Variants in CD151 observed in about 807,000 individuals in gnomAD.
The protein encoded by CD151 is CD151 antigen.
CD151 carries 20 observed loss-of-function variants against 34.2 expected under a neutral mutation model. The ratio of observed to expected loss-of-function variants is 0.58; its 90% CI spans 0.41 to 0.85. The LOEUF is 0.85. CD151 is among the 40% of genes least tolerant of loss of function. The pLI, the probability that CD151 is intolerant of heterozygous loss-of-function variation, is 0.00. For synonymous variants in CD151, 157 were observed against 131.7 expected, an observed-to-expected ratio of 1.19 and a Z score of -1.32; for missense variants, 306 against 324.5, an observed-to-expected ratio of 0.94 and a Z score of 0.44.
chr11:833,925 C>T (rs1590207395), intron 1 of CD151: 2 of 141,434 alleles, frequency 1.4e-5, no homozygotes, highest in South Asian at 4.5e-4. Context: ...GTGAATATCC[C>T]CTCTCAGCTC....
intron 5 of CD151, 165 bp from the exon 6 acceptor site, chr11:837,085 G>T: frequency 1.5e-6 from 1 of 674,598 alleles, no homozygotes; most frequent in Non-Finnish European, 2.7e-6. Context: ...CCTGGTGACG[G>T]TCCTGGCACC....
Position 836,057 on chromosome 11 carries a change from C to T in CD151, c.-7-6C>T, listed in dbSNP as rs896720001. 6.3e-7 allele frequency: 1 copy of T among 1,596,018 alleles called. No homozygotes were observed. Among genetic ancestry groups the T allele is most frequent in the East Asian group, 2.2e-5 (1 of 44,818 alleles). The stretch of plus-strand genomic sequence containing the variant: ...GGCCCCGCTGACCCCTCCCCTGCCT[C>T]CTCAGCCCCAGGATGGGTGAGTTCA... On this transcript the variant is annotated splice_polypyrimidine_tract_variant and splice_region_variant and intron_variant, in intron 2 of 8. Transcript: ENST00000397420.
intron 4 of CD151, 92 bp from the exon 5 acceptor site, chr11:836,677 C>CT (rs1324663794): frequency 1.1e-5 from 14 of 1,284,344 alleles, no homozygotes; most frequent in Non-Finnish European, 1.5e-5. Context: ...CACCTGGAGC[C>CT]TGGGGAGCCG....
In CD151 at chr11:838,396, G is replaced by T; in HGVS notation, c.*204G>T. The T allele has an allele frequency of 1.7e-6, 1 of 592,132 alleles. No homozygotes were observed. The highest frequency in any genetic ancestry group is 3.0e-6 in the Non-Finnish European group (1 of 331,854). 36.7% of individuals were successfully genotyped at this position (592,132 alleles called of 1,614,324 possible). On this transcript the variant is annotated 3_prime_UTR_variant, in exon 9 of 9. Transcript: ENST00000397420. ...AGGGGGGCTGGCGGGGCGAAGTTTG[G>T]GGGGTGTTTTGTGGGGCTCCCCAGA...
chr11:836,939 C>T (rs978590689), intron 5 of CD151, 96 bp downstream of exon 5: 288 of 1,056,606 alleles, frequency 2.7e-4, no homozygotes, highest in Admixed American at 1.6e-4. Flanking sequence ...AACCCCCACC[C>T]CCATGGTCCC....
chr11:836,004 C>A, intron 2 of CD151, 59 bp from the exon 3 acceptor site: 1 of 1,010,060 alleles, frequency 9.9e-7, no homozygotes, highest in Non-Finnish European at 1.6e-6. Context: ...CCCTCCTATC[C>A]GTCTCCCAGT....
In CD151 at chr11:836,569, G is replaced by T. The variant is rs1001136902; in HGVS notation, c.276+127G>T. On this transcript the variant is annotated intron_variant, in intron 4 of 8. Transcript: ENST00000397420. ...GGGGGGTCACGGTCCTTCCACACCT[G>T]CCTAGTCCTGTGGGTCCCCACGTTC... is the stretch of plus-strand genomic sequence containing the variant. The T allele has an allele frequency of 7.6e-5, 64 of 844,994 alleles. No individual in the cohort carries two copies. In the African/African-American group the frequency reaches 9.8e-4, roughly 13 times the overall value. The allele number at this position is 844,994 out of a possible 1,614,324, so 52.3% of individuals were successfully genotyped here.
intron 2 of CD151, chr11:834,911 TTTAACAGACCG>T (rs1320757660): frequency 6.6e-6 from 1 of 152,498 alleles, no homozygotes; most frequent in Non-Finnish European, 1.5e-5. Context: ...AGGGCTGCCC[TTTAACAGACCG>T]TAAACAGGCC....
At position 836,833 on chromosome 11, in the gene CD151, A is replaced by G. The variant is rs1234230854; in HGVS notation, c.341A>G (p.Tyr114Cys). Reference sequence around the variant, plus strand: ...ATCGCTGGTATCCTCGCCTACGCCTACTACCAGCAGGTGAGGGGCCTGGGC... The same window carrying G: ...ATCGCTGGTATCCTCGCCTACGCCTGCTACCAGCAGGTGAGGGGCCTGGGC... Reference protein sequence around the residue: ...EIIAGILAYAYYQQLNTELKE... With the variant: ...EIIAGILAYACYQQLNTELKE... The change falls in exon 5 of 9, where the codon TAC (tyrosine) becomes TGC (cysteine). Residue 114 changes from tyrosine (Y) to cysteine (C), a missense_variant. Transcript: ENST00000397420. 6.2e-7 allele frequency: 1 copy of G among 1,612,612 alleles called. No homozygotes were observed. Among genetic ancestry groups the G allele is most frequent in the Admixed American group, 1.7e-5 (1 of 59,998 alleles).
At chr11:833,727 A>AGCCC in intron 1 of CD151, among the ~76,000 whole-genome samples, 1 of 103,370 alleles carries the variant, frequency 9.7e-6, no homozygotes, top group African/African-American at 3.4e-5. Flanking sequence ...GCCCAGAACC[A>AGCCC]ACTTCTCCAG....
chr11:836,888 G>A lies in CD151; in HGVS notation c.351+45G>A, dbSNP rs199955739. On this transcript the variant is annotated intron_variant, in intron 5 of 8. Coordinates refer to ENST00000397420, the MANE Select transcript of CD151 (RefSeq NM_004357.5). ...CATTCAGAGACACAGACATGCACAG[G>A]CGGGGCGGACACACACACATGCACA... is the stretch of plus-strand genomic sequence containing the variant. 7 of 1,560,048 alleles carry A rather than the reference G, an allele frequency of 4.5e-6. No homozygotes were observed. The African/African-American group carries it at 5.4e-5, about 12-fold the overall frequency.
rs760656215 is a variant in CD151, at chr11:837,563, C to T, written c.560C>T (p.Thr187Met). ...GRVVPDSCCK[T>M]VVALCGQRDH... is the part of the protein sequence containing the mutation. ...GTGGTCCCAGACAGCTGCTGCAAGA[C>T]GGTGGTGGCTCTTTGTGGGCAGCGA... Residue 187 changes from threonine (T) to methionine (M), a missense_variant, in exon 7 of 9, where the codon ACG becomes ATG. Transcript: ENST00000397420. 9.3e-6 allele frequency: 15 copies of T among 1,612,974 alleles called. No individual in the cohort carries two copies. Among genetic ancestry groups the T allele is most frequent in the East Asian group, 2.2e-5 (1 of 44,884 alleles).
chr11:836,678 TG>T, intron 4 of CD151, 90 bp from the exon 5 acceptor site: 1 of 1,289,510 alleles, frequency 7.8e-7, no homozygotes, highest in Non-Finnish European at 1.1e-6. Context: ...ACCTGGAGCC[TG>T]GGGAGCCGGG....
In CD151 at chr11:838,512, T is replaced by G; in HGVS notation, c.*320T>G. On this transcript the variant is annotated 3_prime_UTR_variant, in exon 9 of 9. Coordinates refer to ENST00000397420, the MANE Select transcript of CD151 (RefSeq NM_004357.5). Reference sequence around the variant, plus strand: ...CGTTCCCAGCAGGGGGAGAAACCCTTCACACCCCAGGCCCTTCAGGAACTG... The same window carrying G: ...CGTTCCCAGCAGGGGGAGAAACCCTGCACACCCCAGGCCCTTCAGGAACTG... 3 of 495,448 alleles carry G rather than the reference T, an allele frequency of 6.1e-6. No individual in the cohort carries two copies. The South Asian group carries it at 6.8e-5, about 11-fold the overall frequency. The allele number at this position is 495,448 out of a possible 1,614,324, so 30.7% of individuals were successfully genotyped here. A position where few individuals can be genotyped will look rare whatever the true frequency, so the allele number is the denominator to read the frequency against.
chr11:837,709 A>G (rs1846830010), intron 7 of CD151, 91 bp downstream of exon 7: 2 of 1,335,392 alleles, frequency 1.5e-6, no homozygotes, highest in Admixed American at 3.7e-5. Context: ...ACACGCCTCC[A>G]ATATCTACCA....
rs202233428 is a variant in CD151, at chr11:837,309, G to C, written c.411G>C (p.Pro137=). ...CCATGACCAAGCGCTACCACCAGCC[G>C]GGCCATGAGGCTGTGACCAGCGCTG... ...KDTMTKRYHQ[P]GHEAVTSAVD... is the part of the protein sequence containing the mutation. Residue 137 remains proline, a synonymous_variant, in exon 6 of 9, where the codon CCG becomes CCC. Transcript: ENST00000397420. The C allele has an allele frequency of 1.2e-6, 2 of 1,613,012 alleles. No individual in the cohort carries two copies. The highest frequency in any genetic ancestry group is 1.7e-5 in the Admixed American group (1 of 60,024).
At chr11:833,358 C>T (rs905568993) in intron 1 of CD151, among the ~76,000 whole-genome samples, 5 of 152,174 alleles carry the variant, frequency 3.3e-5, no homozygotes, top group Non-Finnish European at 7.4e-5. Flanking sequence ...GCAGCCTGGA[C>T]ACCCTGCTCA....
In CD151 at chr11:838,145, A is replaced by T; in HGVS notation, c.715A>T (p.Ile239Phe). Residue 239 changes from isoleucine (I) to phenylalanine (F), a missense_variant, in exon 9 of 9, where the codon ATC becomes TTC. Ile to Phe is a conservative substitution (Grantham distance 21). Coordinates refer to ENST00000397420, the MANE Select transcript of CD151 (RefSeq NM_004357.5). ...GIACVQVFGMIFTCCLYRSLK... is the reference protein window; with the variant it reads ...GIACVQVFGMFFTCCLYRSLK... ...GCTCTGCACACAGGTCTTTGGCATG[A>T]TCTTCACGTGCTGCCTGTACAGGAG... 1 of 1,613,208 alleles carries T rather than the reference A, an allele frequency of 6.2e-7. No individual in the cohort carries two copies.
At position 835,877 on chromosome 11, in the gene CD151, C is replaced by T. The variant is rs12577801; in HGVS notation, c.-7-186C>T. 0.66 allele frequency: 371,169 copies of T among 566,102 alleles called. 124,925 individuals are homozygous for T. Among genetic ancestry groups the T allele is most frequent in the East Asian group, 0.89 (29,336 of 32,924 alleles). 35.1% of individuals were successfully genotyped at this position (566,102 alleles called of 1,614,324 possible). ...TAATTTTTTGTATTTCTAGTACAGA[C>T]GGGGTTTCACCGTGTTAGCCAGGAT... On this transcript the variant is annotated intron_variant, in intron 2 of 8. Transcript: ENST00000397420.
Sources: allele counts gnomAD v4.1 joint callset (sites outside exome capture counted in the v4.1 genomes callset), GRCh38; gene constraint gnomAD v4.1.1; transcripts MANE v1.5; gene names NCBI Gene and HGNC (gene_info 2026-07-23, HGNC 2026-07-21).